The following RIDA variants were observed in gnomAD, a reference collection of about 807,000 sequenced individuals.
The protein encoded by RIDA is 2-iminobutanoate/2-iminopropanoate deaminase.
A neutral mutation model predicts 17.8 loss-of-function variants in RIDA; 17 were observed. That is an observed-to-expected ratio of 0.96 (90% CI 0.65 to 1.43). The LOEUF (loss-of-function observed/expected upper bound fraction) is 1.43, where lower values mean the gene tolerates loss of function less well. Ranked by LOEUF, RIDA falls within the 40% of genes most tolerant of loss-of-function variation. RIDA has a pLI of 0.00. For synonymous variants in RIDA, 48 were observed against 55.7 expected, an observed-to-expected ratio of 0.86 and a Z score of 0.62; for missense variants, 158 against 161.7, an observed-to-expected ratio of 0.98 and a Z score of 0.12.
intron 5 of RIDA, among the ~76,000 whole-genome samples, chr8:98,103,920 G>A (rs1472405290): frequency 6.6e-6 from 1 of 152,176 alleles, no homozygotes; most frequent in African/African-American, 2.4e-5. Context: ...TTACAGGCGT[G>A]AGCCACCGCG....
At chr8:98,112,421 A>C (rs1158366161) in intron 1 of RIDA, among the ~76,000 whole-genome samples, 2 of 152,188 alleles carry the variant, frequency 1.3e-5, no homozygotes, top group Non-Finnish European at 2.9e-5. Context: ...TGTAGGGTGT[A>C]GGTGATTCCT....
At chr8:98,105,849 C>A in intron 4 of RIDA, 89 bp downstream of exon 4, 2 of 763,336 alleles carry the variant, frequency 2.6e-6, no homozygotes, top group South Asian at 3.1e-5. Flanking sequence ...CATCTCCTAC[C>A]ACTCTTAATT....
At chr8:98,113,560 T>G (rs550555182) in intron 1 of RIDA, 1 of 149,034 alleles carries the variant, frequency 6.7e-6, no homozygotes. Flanking sequence ...CTTTTTTTCT[T>G]GTCATACTGG....
rs750596613 is a variant in RIDA, at chr8:98,102,522, GAT to G, written c.*318_*319del. The G allele has an allele frequency of 4.1e-5, 8 of 195,774 alleles. No individual in the cohort carries two copies. Among genetic ancestry groups the G allele is most frequent in the Non-Finnish European group, 8.3e-5 (8 of 96,750 alleles). The allele number at this position is 195,774 out of a possible 1,614,324, so 12.1% of individuals were successfully genotyped here. On this transcript the variant is annotated 3_prime_UTR_variant, in exon 6 of 6. Coordinates refer to ENST00000254878, the MANE Select transcript of RIDA (RefSeq NM_005836.3). ...ATTAGTTTAAATTAAATATGTTCTTGATTATTTCTCAGGAATAGTAACTCTTC... is the reference window on the plus strand; with the variant it reads ...ATTAGTTTAAATTAAATATGTTCTTGTATTTCTCAGGAATAGTAACTCTTC...
chr8:98,106,049 T>C, intron 3 of RIDA, 43 bp from the exon 4 acceptor site: 1 of 1,405,132 alleles, frequency 7.1e-7, no homozygotes, highest in Non-Finnish European at 1.0e-6. Flanking sequence ...TTATTTGGTC[T>C]GACCCAAAAC....
At chr8:98,116,835 C>T (rs1815841929) in intron 1 of RIDA, among the ~76,000 whole-genome samples, 197 bp downstream of exon 1, 1 of 152,230 alleles carries the variant, frequency 6.6e-6, no homozygotes, top group Admixed American at 6.5e-5. Context: ...AGCCCCAGAA[C>T]GAGCAAAGTC....
At chr8:98,110,151 G>A (rs748762799) in intron 1 of RIDA, among the ~76,000 whole-genome samples, 6 of 152,144 alleles carry the variant, frequency 3.9e-5, no homozygotes, top group Non-Finnish European at 8.8e-5. Context: ...TCATAAATGG[G>A]TACAAGGGAA....
intron 1 of RIDA, among the ~76,000 whole-genome samples, chr8:98,110,312 G>C (rs1020776477): frequency 6.6e-6 from 1 of 152,138 alleles, no homozygotes; most frequent in African/African-American, 2.4e-5. Flanking sequence ...ACCCAGGCTG[G>C]AGTGCAGTGG....
rs977177686 is a variant in RIDA at position 98,104,612 on chromosome 8, T to C, written c.296-68A>G. 8.9e-6 allele frequency: 8 copies of C among 903,750 alleles called. No individual in the cohort carries two copies. The African/African-American group carries it at 1.4e-4, about 15-fold the overall frequency. 56.0% of individuals were successfully genotyped at this position (903,750 alleles called of 1,614,324 possible). On this transcript the variant is annotated intron_variant, in intron 4 of 5. Transcript: ENST00000254878. ...AAAAAATAAAGATCAAGTGAAAATT[T>C]TTATTTTAGTTTTCAGATATTCTAT...
intron 5 of RIDA, among the ~76,000 whole-genome samples, chr8:98,104,279 G>A (rs1195660997): frequency 6.6e-6 from 1 of 151,976 alleles, no homozygotes; most frequent in Non-Finnish European, 1.5e-5. Context: ...AGGGATGGCT[G>A]TCTTGCTATG....
chr8:98,110,515 T>C (rs565650143), intron 1 of RIDA, among the ~76,000 whole-genome samples: 65 of 152,106 alleles, frequency 4.3e-4, no homozygotes, highest in African/African-American at 1.1e-3. Context: ...CTGCCTCCGC[T>C]TCCCAAAGTG....
chr8:98,111,423 C>T (rs1000187597), intron 1 of RIDA, among the ~76,000 whole-genome samples: 5 of 152,016 alleles, frequency 3.3e-5, no homozygotes, highest in Non-Finnish European at 7.4e-5. Flanking sequence ...GCCTTGCCAA[C>T]ATGGGGAAAT....
intron 1 of RIDA, among the ~76,000 whole-genome samples, chr8:98,112,042 TCAA>T (rs370900009): frequency 2.4e-4 from 37 of 152,284 alleles, no homozygotes; most frequent in African/African-American, 8.4e-4. Flanking sequence ...TTTTTTTCAC[TCAA>T]CAGAATATCA....
chr8:98,115,670 C>T (rs994436802), intron 1 of RIDA, among the ~76,000 whole-genome samples: 2 of 151,864 alleles, frequency 1.3e-5, no homozygotes, highest in African/African-American at 2.4e-5. Flanking sequence ...GGATTACAGG[C>T]GTGAACCACA....
intron 1 of RIDA, among the ~76,000 whole-genome samples, chr8:98,114,989 T>C (rs1287915008): frequency 6.6e-6 from 1 of 152,152 alleles, no homozygotes; most frequent in African/African-American, 2.4e-5. Context: ...ACATCACTTT[T>C]TAGTGGTGTA....
chr8:98,113,407 A>G (rs745379334), intron 1 of RIDA, among the ~76,000 whole-genome samples: 3 of 152,222 alleles, frequency 2.0e-5, no homozygotes, highest in African/African-American at 4.8e-5. Context: ...TTCCTAAAAC[A>G]TGTCCAATTA....
chr8:98,110,740 T>C (rs1344909304), intron 1 of RIDA, among the ~76,000 whole-genome samples: 1 of 152,216 alleles, frequency 6.6e-6, no homozygotes, highest in Non-Finnish European at 1.5e-5. Context: ...ATGGCTTGGC[T>C]GTGTCCTTGC....
At position 98,110,167 on chromosome 8, in the gene RIDA, T is replaced by G. The variant is rs186654053; in HGVS notation, c.66-1416A>C. Among the ~76,000 whole-genome samples the G allele has an allele frequency of 1.4e-3, 219 of 152,320 alleles. 1 individual carries two copies. Among genetic ancestry groups the G allele is most frequent in the African/African-American group, 5.1e-3 (212 of 41,568 alleles). On this transcript the variant is annotated intron_variant, in intron 1 of 5. Transcript: ENST00000254878. The stretch of plus-strand genomic sequence containing the variant: ...CATAAATGGGTACAAGGGAATTTTT[T>G]GGGAGTGATAGAAATATTCTAAAAT...
chr8:98,116,215 C>T (rs1240280356), intron 1 of RIDA, among the ~76,000 whole-genome samples: 3 of 152,202 alleles, frequency 2.0e-5, no homozygotes, highest in Non-Finnish European at 4.4e-5. Flanking sequence ...CTTCTTTTTC[C>T]TCTTCCACCC....
Sources: gnomAD v4.1 joint callset for allele counts (sites outside exome capture counted in the v4.1 genomes callset) on GRCh38, gnomAD v4.1.1 for gene constraint, MANE v1.5 for transcripts, NCBI Gene and HGNC (gene_info 2026-07-23, HGNC 2026-07-21) for gene names.